The following NDC1 variants were observed in gnomAD, a reference collection of about 807,000 sequenced individuals.
NDC1 encodes NDC1 transmembrane nucleoporin.
NDC1 carries 24 observed loss-of-function variants against 89.8 expected under a neutral mutation model. That is an observed-to-expected ratio of 0.27 (90% confidence interval 0.19 to 0.38). NDC1 has a LOEUF of 0.38. Ranked by LOEUF, NDC1 falls within the 10% of genes least tolerant of loss-of-function variation. The pLI, the probability that NDC1 is intolerant of heterozygous loss-of-function variation, is 1.00. For missense variants in NDC1, 728 were observed against 797.6 expected, an observed-to-expected ratio of 0.91 and a Z score of 1.05; for synonymous variants, 296 against 284.8, an observed-to-expected ratio of 1.04 and a Z score of -0.39.
rs573154992 is a variant in NDC1 at position 53,814,318 on chromosome 1, G to A, written c.704-4572C>T. ...TGCAGTGAGTCAAGATCGCGCCATC[G>A]CACTCCAGCCTGGGCAACAGAGCAA... On this transcript the variant is annotated intron_variant, in intron 6 of 17. Coordinates refer to ENST00000371429, the MANE Select transcript of NDC1 (RefSeq NM_018087.5). Among the ~76,000 whole-genome samples the A allele has an allele frequency of 6.6e-5, 10 of 152,208 alleles. No individual in the cohort carries two copies. In the South Asian group the frequency reaches 2.1e-3, roughly 32 times the overall value.
intron 5 of NDC1, among the ~76,000 whole-genome samples, chr1:53,820,060 G>A (rs1381784392): frequency 1.3e-5 from 2 of 152,090 alleles, no homozygotes; most frequent in Non-Finnish European, 2.9e-5. Context: ...TTCGTAACCA[G>A]CCTGACCAAT....
intron 3 of NDC1, 38 bp from the exon 4 acceptor site, chr1:53,828,211 CA>C: frequency 6.3e-7 from 1 of 1,580,534 alleles, no homozygotes; most frequent in Non-Finnish European, 8.7e-7. Context: ...TTATAACCTA[CA>C]GCATATGCAG....
intron 1 of NDC1, among the ~76,000 whole-genome samples, chr1:53,837,169 C>A (rs570510414): frequency 6.6e-6 from 1 of 152,282 alleles, no homozygotes; most frequent in East Asian, 1.9e-4. Context: ...ATGGCATGCA[C>A]CTGATGTCCC....
chr1:53,810,788 TA>T (rs1308256338), intron 6 of NDC1, among the ~76,000 whole-genome samples: 1 of 152,208 alleles, frequency 6.6e-6, no homozygotes, highest in Non-Finnish European at 1.5e-5. Flanking sequence ...GTGGCAGGAC[TA>T]GATTGCAGCT....
intron 2 of NDC1, 95 bp downstream of exon 2, chr1:53,835,405 G>A (rs988596965): frequency 7.8e-6 from 7 of 897,906 alleles, no homozygotes; most frequent in Non-Finnish European, 1.0e-5. Flanking sequence ...ATATAACATA[G>A]GCAGTAATTG....
Position 53,797,167 on chromosome 1 carries a change from C to A in NDC1, c.1223-23G>T, listed in dbSNP as rs200910292. 107 of 1,609,078 alleles carry A rather than the reference C, an allele frequency of 6.6e-5. No homozygotes were observed. The African/African-American group carries it at 1.1e-3, about 17-fold the overall frequency. ...CTTCTGTAAAACAACAGATCCAGTG[C>A]TGAAGAGGCAACCTGATCCAAGCAG... On this transcript the variant is annotated intron_variant, in intron 11 of 17. Transcript: ENST00000371429.
intron 1 of NDC1, among the ~76,000 whole-genome samples, chr1:53,836,384 T>C (rs1275574575): frequency 8.3e-6 from 1 of 120,848 alleles, no homozygotes; most frequent in African/African-American, 3.3e-5. Context: ...CCTGTCTCTA[T>C]AAAAAATTTT....
intron 17 of NDC1, among the ~76,000 whole-genome samples, chr1:53,771,782 C>T (rs1647115262): frequency 6.6e-6 from 1 of 152,164 alleles, no homozygotes; most frequent in Non-Finnish European, 1.5e-5. Context: ...CTAGCTAGAT[C>T]ATTTCACAAG....
At chr1:53,786,626 T>G (rs140993733) in intron 16 of NDC1, among the ~76,000 whole-genome samples, 155 of 152,362 alleles carry the variant, frequency 1.0e-3, no homozygotes, top group African/African-American at 3.6e-3. Context: ...ACAGGTTTAG[T>G]ATACTTTCTT....
chr1:53,792,850 C>T lies in NDC1; in HGVS notation c.1635+379G>A, dbSNP rs190150457. Among the ~76,000 whole-genome samples the T allele has an allele frequency of 4.6e-5, 7 of 152,346 alleles. 1 individual carries two copies. Among genetic ancestry groups the T allele is most frequent in the Admixed American group, 3.9e-4 (6 of 15,306 alleles). On this transcript the variant is annotated intron_variant, in intron 14 of 17. Coordinates refer to ENST00000371429, the MANE Select transcript of NDC1 (RefSeq NM_018087.5). ...AATTTAACATCTGTGATATCATCATCTCTCTTTTGAACACCAAAATGGTCA... is the reference window on the plus strand; with the variant it reads ...AATTTAACATCTGTGATATCATCATTTCTCTTTTGAACACCAAAATGGTCA...
Position 53,782,030 on chromosome 1 carries a change from G to T in NDC1, c.1800+5128C>A, listed in dbSNP as rs116250878. Among the ~76,000 whole-genome samples, 307 of 152,244 alleles carry T rather than the reference G, an allele frequency of 2.0e-3. 1 individual carries two copies. Among genetic ancestry groups the T allele is most frequent in the African/African-American group, 7.2e-3 (298 of 41,542 alleles). ...ACCTCTACTCTAGCTAATATGAAGA[G>T]GAGACAATAAAAGTCAATAAAGACA... On this transcript the variant is annotated intron_variant, in intron 16 of 17. Coordinates refer to ENST00000371429, the MANE Select transcript of NDC1 (RefSeq NM_018087.5).
chr1:53,831,530 G>A (rs1165320193), intron 3 of NDC1, among the ~76,000 whole-genome samples: 8 of 150,814 alleles, frequency 5.3e-5, no homozygotes, highest in African/African-American at 1.2e-4. Flanking sequence ...AAAATTAGCC[G>A]GGCGTGGTGG....
Position 53,778,255 on chromosome 1 carries a change from G to A in NDC1, c.1801-5766C>T, listed in dbSNP as rs952761714. Among the ~76,000 whole-genome samples the A allele has an allele frequency of 2.4e-4, 30 of 123,626 alleles. No individual in the cohort carries two copies. The East Asian group carries it at 5.8e-3, about 24-fold the overall frequency. 81.1% of individuals were successfully genotyped at this position (123,626 alleles called of 152,430 possible). On this transcript the variant is annotated intron_variant, in intron 16 of 17. Transcript: ENST00000371429. ...GTAATATAGTATATGATGTGTGTGTGTATATACACACACACACACACACAC... is the reference window on the plus strand; with the variant it reads ...GTAATATAGTATATGATGTGTGTGTATATATACACACACACACACACACAC...
At chr1:53,785,280 C>A (rs1021958067) in intron 16 of NDC1, among the ~76,000 whole-genome samples, 1 of 152,144 alleles carries the variant, frequency 6.6e-6, no homozygotes, top group African/African-American at 2.4e-5. Flanking sequence ...AATGTTATGA[C>A]CATCAAAGAT....
chr1:53,838,225 ACCTGCCGGCGCAGGGCCGGCT>A lies in NDC1; in HGVS notation c.16_36del (p.Pro8_Arg14del). The A allele has an allele frequency of 6.5e-7, 1 of 1,536,198 alleles. No homozygotes were observed. The highest frequency in any genetic ancestry group is 1.2e-5 in the South Asian group (1 of 83,888). ...CTCACGCGCCACAGTATGTCCCGCG[ACCTGCCGGCGCAGGGCCGGCT>A]CACGGCCGTGGCCATGGAGATGGCG... On this transcript the variant is annotated inframe_deletion, in exon 1 of 18. Transcript: ENST00000371429.
chr1:53,773,719 C>G (rs1647138596), intron 16 of NDC1, among the ~76,000 whole-genome samples: 1 of 152,252 alleles, frequency 6.6e-6, no homozygotes, highest in Non-Finnish European at 1.5e-5. Context: ...AAAGAAAAGT[C>G]TTCTAGTATC....
chr1:53,809,777 T>C, intron 6 of NDC1, 31 bp from the exon 7 acceptor site: 1 of 1,571,842 alleles, frequency 6.4e-7, no homozygotes, highest in Non-Finnish European at 8.7e-7. Flanking sequence ...GCTATGAACA[T>C]AAAAAGTTAT....
chr1:53,794,418 A>G lies in NDC1; in HGVS notation c.1585-1139T>C, dbSNP rs1647625651. On this transcript the variant is annotated intron_variant, in intron 13 of 17. Coordinates refer to ENST00000371429, the MANE Select transcript of NDC1 (RefSeq NM_018087.5). Reference sequence around the variant, plus strand: ...GCATGACTAGTCAGAAGGCTGCAGCAAGCAGCACGTGTCTGGTTGGGTAGA... The same window carrying G: ...GCATGACTAGTCAGAAGGCTGCAGCGAGCAGCACGTGTCTGGTTGGGTAGA... 4.6e-5 allele frequency among the ~76,000 whole-genome samples: 7 copies of G among 152,202 alleles called. No homozygotes were observed. The South Asian group carries it at 1.4e-3, about 31-fold the overall frequency.
At chr1:53,800,439 G>T (rs992678323) in intron 11 of NDC1, among the ~76,000 whole-genome samples, 1 of 138,812 alleles carries the variant, frequency 7.2e-6, no homozygotes, top group African/African-American at 2.7e-5. Context: ...TGGTTCTCCT[G>T]CCTCAGCCTC....
Sources: gnomAD v4.1 joint callset for allele counts (sites outside exome capture counted in the v4.1 genomes callset) on GRCh38, gnomAD v4.1.1 for gene constraint, MANE v1.5 for transcripts, NCBI Gene and HGNC (gene_info 2026-07-23, HGNC 2026-07-21) for gene names.